Variants in SDK1 observed in about 807,000 individuals in gnomAD.
The protein encoded by SDK1 is protein sidekick-1.
A neutral mutation model predicts 245.5 loss-of-function variants in SDK1; 157 were observed. That is an observed-to-expected ratio of 0.64 (90% CI 0.56 to 0.73). SDK1 has a LOEUF of 0.73. Ranked by LOEUF, SDK1 falls within the 30% of genes least tolerant of loss-of-function variation. SDK1 has a pLI of 0.00. For missense variants in SDK1, 3,583 were observed against 3,002.3 expected, an observed-to-expected ratio of 1.19 and a Z score of -4.52; for synonymous variants, 1,647 against 1,278.5, an observed-to-expected ratio of 1.29 and a Z score of -6.15.
rs564018331 is a variant in SDK1, at chr7:4,054,628, C to T, written c.2911+2798C>T. 1.6e-3 allele frequency among the ~76,000 whole-genome samples: 237 copies of T among 152,298 alleles called. 1 individual carries two copies. The highest frequency in any genetic ancestry group is 5.5e-3 in the African/African-American group (229 of 41,562). ...GTATGCCTTTCATTTCCTTTTCTTG[C>T]ATGATTTGCAGTGTCTAGGATTTCT... On this transcript the variant is annotated intron_variant, in intron 19 of 44. Coordinates refer to ENST00000404826, the MANE Select transcript of SDK1 (RefSeq NM_152744.4).
At chr7:3,775,110 G>C (rs1180707636) in intron 4 of SDK1, among the ~76,000 whole-genome samples, 1 of 152,160 alleles carries the variant, frequency 6.6e-6, no homozygotes, top group African/African-American at 2.4e-5. Context: ...CTTTACAAAG[G>C]CTCAACTGGC....
chr7:4,038,653 G>A (rs945932367), intron 17 of SDK1, among the ~76,000 whole-genome samples: 1 of 152,200 alleles, frequency 6.6e-6, no homozygotes, highest in African/African-American at 2.4e-5. Context: ...ATGCACCTTG[G>A]CAAAGTGAGT....
chr7:4,081,193 A>G (rs1781034063), intron 22 of SDK1, among the ~76,000 whole-genome samples: 1 of 152,164 alleles, frequency 6.6e-6, no homozygotes, highest in Admixed American at 6.5e-5. Flanking sequence ...AGGGCTCAAC[A>G]TACAAAAGCT....
At chr7:3,847,904 G>A (rs1190294427) in intron 5 of SDK1, among the ~76,000 whole-genome samples, 4 of 152,124 alleles carry the variant, frequency 2.6e-5, no homozygotes, top group Admixed American at 6.5e-5. Context: ...ATTGCACTCC[G>A]CTGCACCCCT....
At chr7:3,482,956 G>A (rs536766682) in intron 1 of SDK1, among the ~76,000 whole-genome samples, 1 of 151,526 alleles carries the variant, frequency 6.6e-6, no homozygotes, top group East Asian at 1.9e-4. Flanking sequence ...ATGATTTCAA[G>A]TCTTTTTAAT....
chr7:3,309,384 T>C (rs74580205), intron 1 of SDK1, among the ~76,000 whole-genome samples: 2 of 151,850 alleles, frequency 1.3e-5, no homozygotes, highest in Non-Finnish European at 1.5e-5. Flanking sequence ...TTTTTTTTTT[T>C]CCTTCCATGA....
Position 3,491,400 on chromosome 7 carries a change from T to C in SDK1, c.299-127680T>C, listed in dbSNP as rs116939824. Among the ~76,000 whole-genome samples the C allele has an allele frequency of 6.8e-4, 103 of 152,346 alleles. 1 individual carries two copies. The East Asian group carries it at 0.018, about 27-fold the overall frequency. On this transcript the variant is annotated intron_variant, in intron 1 of 44. Coordinates refer to ENST00000404826, the MANE Select transcript of SDK1 (RefSeq NM_152744.4). ...AAAGTTCCCAAACGATGTCAGTGTT[T>C]AGCCAAATATGAGACCCACTGGTTT...
In SDK1 at chr7:4,221,275, A is replaced by G. The variant is rs1355337128; in HGVS notation, c.5738A>G (p.Lys1913Arg). 1.2e-6 allele frequency: 2 copies of G among 1,613,748 alleles called. No individual in the cohort carries two copies. Among genetic ancestry groups the G allele is most frequent in the African/African-American group, 1.3e-5 (1 of 74,902 alleles). ...PGSPRDVLVT[K>R]SASELTLQWT... ...TCGCCTAGAGATGTCCTGGTCACCA[A>G]GTCCGCCTCTGAACTGACGCTGCAG... Residue 1913 changes from lysine (K) to arginine (R), a missense_variant, in exon 40 of 45, where the codon AAG (lysine) becomes AGG (arginine). Transcript: ENST00000404826.
Position 4,079,648 on chromosome 7 carries a change from G to C in SDK1, c.3324+64G>C, listed in dbSNP as rs1011591943. On this transcript the variant is annotated intron_variant, in intron 22 of 44. Transcript: ENST00000404826. ...GAGCAGTGTTGGGGCCTGTGAATGAGTGGTACCCCTGCAGATGATGGCTTG... is the reference window on the plus strand; with the variant it reads ...GAGCAGTGTTGGGGCCTGTGAATGACTGGTACCCCTGCAGATGATGGCTTG... 27 of 1,597,718 alleles carry C rather than the reference G, an allele frequency of 1.7e-5. No homozygotes were observed. In the East Asian group the frequency reaches 2.9e-4, roughly 17 times the overall value.
intron 4 of SDK1, among the ~76,000 whole-genome samples, chr7:3,704,903 T>C (rs1028964922): frequency 2.0e-5 from 3 of 152,224 alleles, no homozygotes; most frequent in Admixed American, 1.3e-4. Flanking sequence ...TTCTTCTACA[T>C]GTGGCTAGCC....
chr7:4,150,212 T>A (rs1287182577), intron 30 of SDK1, among the ~76,000 whole-genome samples: 1 of 152,142 alleles, frequency 6.6e-6, no homozygotes, highest in Admixed American at 6.5e-5. Flanking sequence ...CAGGCCCTCC[T>A]GGGGCCTGTC....
At chr7:3,932,158 T>A (rs190605570) in intron 5 of SDK1, among the ~76,000 whole-genome samples, 3 of 152,196 alleles carry the variant, frequency 2.0e-5, no homozygotes, top group African/African-American at 7.2e-5. Context: ...TCACCTGCCT[T>A]CCAGTCTATG....
chr7:3,953,223 C>T (rs190272552), intron 7 of SDK1, among the ~76,000 whole-genome samples: 209 of 151,414 alleles, frequency 1.4e-3, no homozygotes, highest in African/African-American at 4.9e-3. Context: ...AAAAGGAATA[C>T]TGCACAAAAG....
intron 5 of SDK1, among the ~76,000 whole-genome samples, chr7:3,826,997 GC>G (rs1296847721): frequency 6.6e-6 from 1 of 152,048 alleles, no homozygotes; most frequent in Non-Finnish European, 1.5e-5. Context: ...GGTTTCTATT[GC>G]CCACTCATGC....
chr7:4,268,364 C>G lies in SDK1; in HGVS notation c.*2980C>G. 1 of 1,058,926 alleles carries G rather than the reference C, an allele frequency of 9.4e-7. No homozygotes were observed. The highest frequency in any genetic ancestry group is 1.1e-6 in the Non-Finnish European group (1 of 871,686). The allele number at this position is 1,058,926 out of a possible 1,614,324, so 65.6% of individuals were successfully genotyped here. ...AGCTGCCAGGCCACACCCCCTCGGC[C>G]TCCTGCACGGCCACCTTCTGGGTGA... On this transcript the variant is annotated 3_prime_UTR_variant, in exon 45 of 45. Transcript: ENST00000404826.
Position 4,043,399 on chromosome 7 carries a change from G to A in SDK1, c.2603-5949G>A, listed in dbSNP as rs142915413. Among the ~76,000 whole-genome samples, 1,495 of 151,970 alleles carry A rather than the reference G, an allele frequency of 9.8e-3. 17 individuals carry two copies. Among genetic ancestry groups the A allele is most frequent in the South Asian group, 0.028 (135 of 4,806 alleles). On this transcript the variant is annotated intron_variant, in intron 17 of 44. Transcript: ENST00000404826. ...TGTCACAGCCAGGGACTCAGGCAGA[G>A]TGAGTGTCACAGCCAGGGGCTCAGG...
chr7:3,819,983 A>G lies in SDK1; in HGVS notation c.714-1467A>G, dbSNP rs542606541. ...TCTGAAAGTGCTGTAACTATTCCCT[A>G]TAGAGTACCACAATTGTGGTGGGTA... On this transcript the variant is annotated intron_variant, in intron 4 of 44. Transcript: ENST00000404826. Among the ~76,000 whole-genome samples the G allele has an allele frequency of 3.9e-5, 6 of 152,288 alleles. No individual in the cohort carries two copies. In the South Asian group the frequency reaches 1.0e-3, roughly 26 times the overall value.
At chr7:4,007,714 C>CT (rs1172028085) in intron 14 of SDK1, among the ~76,000 whole-genome samples, 2 of 152,126 alleles carry the variant, frequency 1.3e-5, no homozygotes, top group Non-Finnish European at 2.9e-5. Flanking sequence ...CAGCAATTCT[C>CT]TGTCTCAGCC....
At chr7:3,316,718 G>A (rs1427923432) in intron 1 of SDK1, among the ~76,000 whole-genome samples, 5 of 152,020 alleles carry the variant, frequency 3.3e-5, no homozygotes, top group Admixed American at 2.0e-4. Context: ...CCTTTTTTAT[G>A]GAGCTCTACA....
Sources: gnomAD v4.1 joint callset for allele counts (sites outside exome capture counted in the v4.1 genomes callset) on GRCh38, gnomAD v4.1.1 for gene constraint, MANE v1.5 for transcripts, NCBI Gene and HGNC (gene_info 2026-07-23, HGNC 2026-07-21) for gene names.